Variants in KCNK1 observed in about 807,000 individuals in gnomAD.
KCNK1 encodes the protein potassium channel subfamily K member 1.
KCNK1 carries 10 observed loss-of-function variants against 22.2 expected under a neutral mutation model. The ratio of observed to expected loss-of-function variants is 0.45; its 90% confidence interval spans 0.28 to 0.76. The LOEUF (loss-of-function observed/expected upper bound fraction) is 0.76, where lower values mean the gene tolerates loss of function less well. Ranked by LOEUF, KCNK1 falls within the 30% of genes least tolerant of loss-of-function variation. The pLI is 0.14. For synonymous variants in KCNK1, 200 were observed against 186.4 expected (o/e 1.07, Z -0.60); for missense variants, 378 against 421.0 (o/e 0.90, Z 0.89).
intron 1 of KCNK1, among the ~76,000 whole-genome samples, chr1:233,654,177 AC>A (rs1284391614): frequency 1.3e-5 from 2 of 151,606 alleles, no homozygotes; most frequent in African/African-American, 4.8e-5. Context: ...ATGTTATTGG[AC>A]AATGGAGAAA....
intron 2 of KCNK1, among the ~76,000 whole-genome samples, chr1:233,670,585 T>C (rs953268780): frequency 2.0e-5 from 3 of 152,004 alleles, no homozygotes; most frequent in African/African-American, 2.4e-5. Flanking sequence ...AGAGAGAGAA[T>C]GTGTGCAGGG....
chr1:233,661,775 A>G (rs1658396674), intron 1 of KCNK1: 1 of 152,268 alleles, frequency 6.6e-6, no homozygotes, highest in Admixed American at 6.5e-5. Flanking sequence ...ATGGCTGTCA[A>G]AAAAGGGAAT....
intron 1 of KCNK1, among the ~76,000 whole-genome samples, chr1:233,640,894 G>A (rs1024166829): frequency 2.6e-5 from 4 of 152,116 alleles, no homozygotes; most frequent in Admixed American, 6.5e-5. Flanking sequence ...TAGTAGAAAC[G>A]GGGTTTTGCC....
intron 1 of KCNK1, among the ~76,000 whole-genome samples, chr1:233,637,698 G>A (rs182005395): frequency 5.5e-4 from 83 of 152,246 alleles, no homozygotes; most frequent in African/African-American, 1.2e-3. Flanking sequence ...CTACAGATTG[G>A]AATTCTGCTT....
In KCNK1 at chr1:233,666,945, G is replaced by A. The variant is rs201030634; in HGVS notation, c.706G>A (p.Gly236Ser). 363 of 1,613,322 alleles carry A rather than the reference G, an allele frequency of 2.3e-4. No homozygotes were observed. The highest frequency in any genetic ancestry group is 2.9e-4 in the Non-Finnish European group (347 of 1,179,766). Residue 236 changes from glycine (G) to serine (S), a missense_variant, in exon 2 of 3, where the codon GGC (glycine) becomes AGC (serine). By Grantham distance (56) the Gly-to-Ser change is moderately conservative. Coordinates refer to ENST00000366621, the MANE Select transcript of KCNK1 (RefSeq NM_002245.4). ...IGLGDYVPGEGYNQKFRELYK... is the reference protein window; with the variant it reads ...IGLGDYVPGESYNQKFRELYK... ...CCTGGGGGATTATGTGCCTGGGGAA[G>A]GCTACAATCAAAAATTCAGAGAGCT...
chr1:233,633,051 G>A (rs765441929), intron 1 of KCNK1, among the ~76,000 whole-genome samples: 1 of 151,534 alleles, frequency 6.6e-6, no homozygotes, highest in Non-Finnish European at 1.5e-5. Context: ...TTGTTGACTT[G>A]GGTTTGCTTC....
At chr1:233,630,164 T>C (rs1657766424) in intron 1 of KCNK1, among the ~76,000 whole-genome samples, 1 of 152,208 alleles carries the variant, frequency 6.6e-6, no homozygotes, top group Admixed American at 6.5e-5. Flanking sequence ...ACCTGTAGGA[T>C]GCTGCTTGTA....
intron 1 of KCNK1, among the ~76,000 whole-genome samples, chr1:233,636,297 C>G (rs575813944): frequency 6.6e-6 from 1 of 152,118 alleles, no homozygotes; most frequent in Non-Finnish European, 1.5e-5. Context: ...TTATGGGAGG[C>G]TGGGGCCGAT....
At chr1:233,654,762 T>C (rs964182614) in intron 1 of KCNK1, among the ~76,000 whole-genome samples, 9 of 151,884 alleles carry the variant, frequency 5.9e-5, no homozygotes, top group African/African-American at 2.2e-4. Context: ...AAAGAATAAA[T>C]AAATAAATGA....
In KCNK1 at chr1:233,668,948, T is replaced by TGG. The variant is rs1571907098; in HGVS notation, c.751+1958_751+1959insGG. On this transcript the variant is annotated intron_variant, in intron 2 of 2. Coordinates refer to ENST00000366621, the MANE Select transcript of KCNK1 (RefSeq NM_002245.4). ...ATACACATTTCCTCCTCTGATATTC[T>TGG]TCCAAGAAATGAGATTGCTGGTGCA... is the stretch of plus-strand genomic sequence containing the variant. Among the ~76,000 whole-genome samples, 3 of 152,320 alleles carry TGG rather than the reference T, an allele frequency of 2.0e-5. No homozygotes were observed. The East Asian group carries it at 5.8e-4, about 29-fold the overall frequency.
At chr1:233,654,790 G>A (rs1658261595) in intron 1 of KCNK1, among the ~76,000 whole-genome samples, 1 of 152,196 alleles carries the variant, frequency 6.6e-6, no homozygotes, top group South Asian at 2.1e-4. Context: ...CATTGGGAAA[G>A]AACACCAAGG....
chr1:233,666,111 C>A (rs1412341437), intron 1 of KCNK1, among the ~76,000 whole-genome samples: 2 of 152,292 alleles, frequency 1.3e-5, no homozygotes, highest in East Asian at 3.9e-4. Flanking sequence ...CTTTATTTGT[C>A]AGTCATTCCT....
chr1:233,631,166 A>T (rs562822599), intron 1 of KCNK1: 33 of 449,522 alleles, frequency 7.3e-5, no homozygotes, highest in Non-Finnish European at 1.3e-4. Flanking sequence ...CATCATCCAC[A>T]GTCTATTTTA....
chr1:233,670,181 C>T (rs1207647532), intron 2 of KCNK1, among the ~76,000 whole-genome samples: 1 of 152,064 alleles, frequency 6.6e-6, no homozygotes, highest in Non-Finnish European at 1.5e-5. Context: ...CATTTCCCAT[C>T]ACAGATTCCA....
chr1:233,662,495 A>G (rs948606964), intron 1 of KCNK1, among the ~76,000 whole-genome samples: 2 of 152,316 alleles, frequency 1.3e-5, no homozygotes, highest in African/African-American at 2.4e-5. Flanking sequence ...GATGTACTCT[A>G]TAGGAGCCCA....
intron 1 of KCNK1, among the ~76,000 whole-genome samples, chr1:233,636,959 G>A (rs1657908932): frequency 6.6e-6 from 1 of 152,102 alleles, no homozygotes; most frequent in Non-Finnish European, 1.5e-5. Flanking sequence ...CACTTTGGGA[G>A]GCCATGGCGG....
Position 233,641,326 on chromosome 1 carries a change from C to T in KCNK1, c.356-25269C>T, listed in dbSNP as rs78007751. ...TCCTCTCAAATTTCATAGGCTTCTA[C>T]AAGCTTGCTCCATGCAGAGCCCTAT... is the stretch of plus-strand genomic sequence containing the variant. On this transcript the variant is annotated intron_variant, in intron 1 of 2. Transcript: ENST00000366621. Among the ~76,000 whole-genome samples, 806 of 152,302 alleles carry T rather than the reference C, an allele frequency of 5.3e-3. 9 individuals carry two copies. The highest frequency in any genetic ancestry group is 0.018 in the African/African-American group (763 of 41,570).
chr1:233,650,126 C>A (rs902625574), intron 1 of KCNK1: 1 of 483,290 alleles, frequency 2.1e-6, no homozygotes, highest in South Asian at 1.6e-5. Context: ...ACAGTTCTCA[C>A]CAACCTTTAA....
At chr1:233,661,040 G>A (rs755572705) in intron 1 of KCNK1, among the ~76,000 whole-genome samples, 20 of 152,134 alleles carry the variant, frequency 1.3e-4, no homozygotes, top group African/African-American at 3.6e-4. Context: ...TTGTTATGAA[G>A]GTTCACAATT....
Sources: gnomAD v4.1 joint callset for allele counts (sites outside exome capture counted in the v4.1 genomes callset) on GRCh38, gnomAD v4.1.1 for gene constraint, MANE v1.5 for transcripts, NCBI Gene and HGNC (gene_info 2026-07-23, HGNC 2026-07-21) for gene names.